The following CREBL2 variants were observed in gnomAD, a reference collection of about 807,000 sequenced individuals.
CREBL2 encodes the protein cAMP responsive element binding protein like 2, also known as cAMP-responsive element-binding protein-like 2.
Under a neutral mutation model 19.5 loss-of-function variants are expected in CREBL2, and 4 were observed. That is an observed-to-expected ratio of 0.20 (90% CI 0.10 to 0.47). The LOEUF (loss-of-function observed/expected upper bound fraction) is 0.47. Ranked by LOEUF, CREBL2 falls within the 20% of genes least tolerant of loss-of-function variation. The probability of loss-of-function intolerance (pLI) is 0.98; values close to 1 mark genes in which losing one functional copy is unlikely to be tolerated. For synonymous variants in CREBL2, 42 were observed against 46.6 expected (o/e 0.90, Z 0.40); for missense variants, 85 against 145.1 (o/e 0.59, Z 2.13).
intron 1 of CREBL2, among the ~76,000 whole-genome samples, chr12:12,628,658 C>T (rs528041538): frequency 1.3e-5 from 2 of 152,050 alleles, no homozygotes; most frequent in East Asian, 3.9e-4. Context: ...TCATCTAGGC[C>T]GGACTGCAGT....
intron 1 of CREBL2, among the ~76,000 whole-genome samples, chr12:12,627,402 C>T (rs1945409986): frequency 6.6e-6 from 1 of 152,156 alleles, no homozygotes; most frequent in Non-Finnish European, 1.5e-5. Flanking sequence ...AACAGGCACT[C>T]CCCATTTTTT....
At chr12:12,615,647 C>G (rs1945305737) in intron 1 of CREBL2, 1 of 152,106 alleles carries the variant, frequency 6.6e-6, no homozygotes, top group Non-Finnish European at 1.5e-5. Context: ...GTGTGTGCCA[C>G]CATGCCCAGC....
intron 1 of CREBL2, among the ~76,000 whole-genome samples, chr12:12,619,568 G>A (rs945883984): frequency 6.6e-6 from 1 of 152,030 alleles, no homozygotes; most frequent in Non-Finnish European, 1.5e-5. Context: ...CCGAGATCAC[G>A]CCACTGCACT....
intron 1 of CREBL2, among the ~76,000 whole-genome samples, chr12:12,623,451 T>G (rs1432627775): frequency 6.6e-6 from 1 of 152,146 alleles, no homozygotes; most frequent in African/African-American, 2.4e-5. Flanking sequence ...CAGTGAGAGC[T>G]TCAGAGAAAG....
In CREBL2 at chr12:12,641,997, G is replaced by A. The variant is rs1453275089; in HGVS notation, c.362G>A (p.Ter121=). The A allele has an allele frequency of 3.2e-6, 5 of 1,556,686 alleles. No individual in the cohort carries two copies. Among genetic ancestry groups the A allele is most frequent in the South Asian group, 2.3e-5 (2 of 87,682 alleles). The change falls in exon 4 of 4, where the codon TGA becomes TAA. Residue 121 remains the stop codon, a stop_retained_variant. Coordinates refer to ENST00000228865, the MANE Select transcript of CREBL2 (RefSeq NM_001310.4). ...ATTGGTAACTTTTATTTTTCAGGGT[G>A]AAGATTATATAAAGATGAGTCAGTG... is the stretch of plus-strand genomic sequence containing the variant. ...GKTDANSNSW[*]
In CREBL2 at chr12:12,612,195, T is replaced by C. The variant is rs745581490; in HGVS notation, c.15+8T>C. 1.4e-5 allele frequency: 22 copies of C among 1,613,484 alleles called. No individual in the cohort carries two copies. Among genetic ancestry groups the C allele is most frequent in the Non-Finnish European group, 1.5e-5 (18 of 1,180,020 alleles). ...GCGATGGATGACAGTAAGGTAAGTC[T>C]TGTGGTTTGCACGCGCCGCCGCCTT... On this transcript the variant is annotated splice_region_variant and intron_variant, in intron 1 of 3. Transcript: ENST00000228865.
At chr12:12,619,567 C>T (rs1945344272) in intron 1 of CREBL2, among the ~76,000 whole-genome samples, 1 of 152,078 alleles carries the variant, frequency 6.6e-6, no homozygotes, top group Admixed American at 6.5e-5. Flanking sequence ...GCCGAGATCA[C>T]GCCACTGCAC....
At chr12:12,636,855 GAA>G (rs1359696287) in intron 2 of CREBL2, among the ~76,000 whole-genome samples, 1 of 152,246 alleles carries the variant, frequency 6.6e-6, no homozygotes, top group African/African-American at 2.4e-5. Context: ...GGAAGTGACA[GAA>G]GAGAGAGATG....
At chr12:12,638,714 G>A (rs1945495110) in intron 3 of CREBL2, among the ~76,000 whole-genome samples, 2 of 152,068 alleles carry the variant, frequency 1.3e-5, no homozygotes, top group South Asian at 4.1e-4. Flanking sequence ...TGAAAAAATA[G>A]CAGAAAGGCT....
At chr12:12,630,994 A>G (rs2136304294) in intron 1 of CREBL2, among the ~76,000 whole-genome samples, 1 of 152,344 alleles carries the variant, frequency 6.6e-6, no homozygotes, top group African/African-American at 2.4e-5. Flanking sequence ...TATATGACAC[A>G]GTTCCAGGTG....
At chr12:12,634,863 C>G (rs557329166) in intron 1 of CREBL2, among the ~76,000 whole-genome samples, 1 of 152,212 alleles carries the variant, frequency 6.6e-6, no homozygotes, top group South Asian at 2.1e-4. Context: ...TGAGACCAGC[C>G]TGGTCAACAT....
intron 1 of CREBL2, among the ~76,000 whole-genome samples, chr12:12,616,364 C>G (rs759778429): frequency 1.3e-5 from 2 of 152,136 alleles, no homozygotes; most frequent in Non-Finnish European, 2.9e-5. Flanking sequence ...GCAAGCTATC[C>G]GTGAATTACT....
rs917699877 is a variant in CREBL2, at chr12:12,644,659, A to G, written c.*2661A>G. The G allele has an allele frequency of 6.6e-6, 1 of 152,656 alleles. No homozygotes were observed. The highest frequency in any genetic ancestry group is 2.4e-5 in the African/African-American group (1 of 41,464). The allele number at this position is 152,656 out of a possible 1,614,324, so 9.5% of individuals were successfully genotyped here. A position where few individuals can be genotyped will look rare whatever the true frequency, so the allele number is the denominator to read the frequency against. On this transcript the variant is annotated 3_prime_UTR_variant, in exon 4 of 4. Transcript: ENST00000228865. ...CTTTAAAAAGTTTTCTATTTTATCT[A>G]AAATCTTTCCATTATATCTAAATTA...
At chr12:12,635,053 G>A (rs561462159) in intron 1 of CREBL2, among the ~76,000 whole-genome samples, 72 of 151,882 alleles carry the variant, frequency 4.7e-4, no homozygotes, top group South Asian at 1.5e-3. Flanking sequence ...CAGAGTAAGC[G>A]AGAACCTGTC....
chr12:12,617,772 A>G (rs927326022), intron 1 of CREBL2, among the ~76,000 whole-genome samples: 6 of 148,202 alleles, frequency 4.0e-5, no homozygotes, highest in Non-Finnish European at 7.4e-5. Flanking sequence ...GCAGATAAAC[A>G]TGTGAACAAG....
In CREBL2 at chr12:12,619,640, G is replaced by A. The variant is rs547233287; in HGVS notation, c.15+7453G>A. ...GAAAAAGGAAAGTTTCTTCTCCCTTGACCTGCTGCATTCAATTAGAAAATA... is the reference window on the plus strand; with the variant it reads ...GAAAAAGGAAAGTTTCTTCTCCCTTAACCTGCTGCATTCAATTAGAAAATA... On this transcript the variant is annotated intron_variant, in intron 1 of 3. Transcript: ENST00000228865. Among the ~76,000 whole-genome samples, 9 of 152,132 alleles carry A rather than the reference G, an allele frequency of 5.9e-5. No individual in the cohort carries two copies. In the East Asian group the frequency reaches 1.7e-3, roughly 29 times the overall value.
chr12:12,637,998 A>G (rs926075748), intron 3 of CREBL2, among the ~76,000 whole-genome samples: 1 of 152,062 alleles, frequency 6.6e-6, no homozygotes, highest in African/African-American at 2.4e-5. Context: ...AGCCATGATC[A>G]TGAAACCCTG....
intron 3 of CREBL2, among the ~76,000 whole-genome samples, chr12:12,638,135 G>A (rs1186748005): frequency 2.0e-5 from 3 of 151,862 alleles, no homozygotes; most frequent in African/African-American, 7.3e-5. Context: ...ACACTAATAA[G>A]CAAATGAAAT....
chr12:12,634,558 A>G (rs1945460941), intron 1 of CREBL2, among the ~76,000 whole-genome samples: 1 of 152,136 alleles, frequency 6.6e-6, no homozygotes, highest in African/African-American at 2.4e-5. Context: ...TTTATATTTT[A>G]TTATCTAATT....
Sources: gnomAD v4.1 joint callset for allele counts (sites outside exome capture counted in the v4.1 genomes callset) on GRCh38, gnomAD v4.1.1 for gene constraint, MANE v1.5 for transcripts, NCBI Gene and HGNC (gene_info 2026-07-23, HGNC 2026-07-21) for gene names.